Variants in ATF7IP2 observed in about 807,000 individuals in gnomAD.
ATF7IP2 encodes activating transcription factor 7-interacting protein 2.
A neutral mutation model predicts 64.2 loss-of-function variants in ATF7IP2; 42 were observed. The observed-to-expected ratio is 0.65, with a 90% CI of 0.51 to 0.85. ATF7IP2 has a LOEUF of 0.85. Among genes scored for constraint, ATF7IP2 ranks in the 40% least tolerant of loss-of-function variants. ATF7IP2 has a pLI of 0.00. For synonymous variants in ATF7IP2, 308 were observed against 272.8 expected (o/e 1.13, Z -1.27); for missense variants, 933 against 784.2 (o/e 1.19, Z -2.27).
In ATF7IP2 at chr16:10,451,553, C is replaced by A. The variant is rs1309860467; in HGVS notation, c.1195-5819C>A. On this transcript the variant is annotated intron_variant, in intron 8 of 13. Transcript: ENST00000562102. The stretch of plus-strand genomic sequence containing the variant: ...TTTTTTCTCTAATCTTGTCTTCTCA[C>A]TTTATTTCATTAAGTTGATCTTCAA... Among the ~76,000 whole-genome samples the A allele has an allele frequency of 3.9e-5, 6 of 152,112 alleles. No individual in the cohort carries two copies. In the Middle Eastern group the frequency reaches 0.01, roughly 259 times the overall value.
intron 8 of ATF7IP2, among the ~76,000 whole-genome samples, chr16:10,456,837 G>T (rs1408151571): frequency 6.6e-6 from 1 of 152,086 alleles, no homozygotes; most frequent in Non-Finnish European, 1.5e-5. Flanking sequence ...AGCTTCCATG[G>T]CACCTAGTGC....
chr16:10,391,309 T>G (rs1009973410), intron 1 of ATF7IP2, among the ~76,000 whole-genome samples: 54 of 151,958 alleles, frequency 3.6e-4, no homozygotes, highest in Admixed American at 3.0e-3. Flanking sequence ...GGCTCCCAGC[T>G]ACTCAGGAGG....
intron 9 of ATF7IP2, among the ~76,000 whole-genome samples, chr16:10,462,328 A>C (rs1043249165): frequency 1.3e-5 from 2 of 151,512 alleles, no homozygotes; most frequent in Admixed American, 6.6e-5. Context: ...TCATCTTTCC[A>C]TCTGGGCTCA....
chr16:10,475,593 T>G (rs573892863), intron 12 of ATF7IP2, among the ~76,000 whole-genome samples: 1 of 150,624 alleles, frequency 6.6e-6, no homozygotes, highest in Admixed American at 6.6e-5. Context: ...CTCGGGAGGC[T>G]GAGGCAGGAG....
At chr16:10,438,010 T>C (rs2048479352) in intron 6 of ATF7IP2, 91 bp from the exon 7 acceptor site, 2 of 978,516 alleles carry the variant, frequency 2.0e-6, no homozygotes, top group Non-Finnish European at 2.8e-6. Context: ...TTACAGTAAA[T>C]CTGGAAAAGA....
chr16:10,475,895 A>G (rs1393816694), intron 12 of ATF7IP2, among the ~76,000 whole-genome samples: 1 of 152,198 alleles, frequency 6.6e-6, no homozygotes, highest in African/African-American at 2.4e-5. Context: ...CTATGATTAC[A>G]AGAGATGTAC....
At chr16:10,402,325 T>C (rs1406337649) in intron 1 of ATF7IP2, among the ~76,000 whole-genome samples, 1 of 152,202 alleles carries the variant, frequency 6.6e-6, no homozygotes, top group Non-Finnish European at 1.5e-5. Context: ...ATATTCATTT[T>C]TACAATGACT....
Position 10,431,462 on chromosome 16 carries a change from A to G in ATF7IP2, c.835+7A>G, listed in dbSNP as rs953838873. 1.3e-6 allele frequency: 2 copies of G among 1,541,802 alleles called. No individual in the cohort carries two copies. The highest frequency in any genetic ancestry group is 2.3e-5 in the East Asian group (1 of 44,284). ...CTTGACACTAATAACAACAGTAAGT[A>G]TATACTTATGCACCTTTTAGAAAAA... On this transcript the variant is annotated splice_region_variant and intron_variant, in intron 5 of 13. Coordinates refer to ENST00000562102, the MANE Select transcript of ATF7IP2 (RefSeq NM_001393719.1).
intron 9 of ATF7IP2, among the ~76,000 whole-genome samples, chr16:10,460,994 G>A (rs2049355996): frequency 2.0e-5 from 3 of 152,092 alleles, no homozygotes; most frequent in African/African-American, 7.2e-5. Flanking sequence ...ACAAGTCAAT[G>A]AGTAAAAGCC....
At chr16:10,440,334 A>T in intron 7 of ATF7IP2, 30 bp from the exon 8 acceptor site, 1 of 1,166,774 alleles carries the variant, frequency 8.6e-7, no homozygotes, top group Non-Finnish European at 1.2e-6. Flanking sequence ...ACTCTGGCTT[A>T]GTATTTATTT....
At position 10,459,124 on chromosome 16, in the gene ATF7IP2, G is replaced by A. The variant is rs190453751; in HGVS notation, c.1352+1595G>A. ...CGAGGCGGGCAGATCACCTGAGGTC[G>A]GGAGTTCGAGACTAGCCTGACCAAC... On this transcript the variant is annotated intron_variant, in intron 9 of 13. Transcript: ENST00000562102. 4.8e-3 allele frequency among the ~76,000 whole-genome samples: 727 copies of A among 151,388 alleles called. 8 individuals are homozygous for A. The highest frequency in any genetic ancestry group is 0.017 in the African/African-American group (687 of 41,226).
rs757001280 is a variant in ATF7IP2 at position 10,482,052 on chromosome 16, G to A, written c.1852G>A (p.Glu618Lys). 6.2e-7 allele frequency: 1 copy of A among 1,613,984 alleles called. No individual in the cohort carries two copies. The highest frequency in any genetic ancestry group is 8.5e-7 in the Non-Finnish European group (1 of 1,179,870). ...AAGCTACCACCTCTTCCTGTGTCAT[G>A]AGAACTCTAATAATAAGTTGATTTG... ...VESYHLFLCH[E>K]NSNNKLIWKK... Residue 618 changes from glutamate to lysine, a missense_variant, in exon 14 of 14, where the codon GAG (glutamate) becomes AAG (lysine). By Grantham distance (56) the Glu-to-Lys change is moderately conservative. Coordinates refer to ENST00000562102, the MANE Select transcript of ATF7IP2 (RefSeq NM_001393719.1).
rs546353692 is a variant in ATF7IP2 at position 10,470,668 on chromosome 16, C to T, written c.1353-1442C>T. The stretch of plus-strand genomic sequence containing the variant: ...GGCCTGGTGACACATGCTGTCATCC[C>T]AGCTACTTAGGAGGCCGAGATGAGA... On this transcript the variant is annotated intron_variant, in intron 9 of 13. Coordinates refer to ENST00000562102, the MANE Select transcript of ATF7IP2 (RefSeq NM_001393719.1). Among the ~76,000 whole-genome samples, 4 of 151,896 alleles carry T rather than the reference C, an allele frequency of 2.6e-5. No homozygotes were observed. The South Asian group carries it at 8.3e-4, about 32-fold the overall frequency.
At chr16:10,396,498 T>C (rs543388255) in intron 1 of ATF7IP2, among the ~76,000 whole-genome samples, 1 of 152,162 alleles carries the variant, frequency 6.6e-6, no homozygotes, top group African/African-American at 2.4e-5. Flanking sequence ...TCCAGTAGTT[T>C]TACAGTTTTG....
At chr16:10,402,225 A>C (rs912394370) in intron 1 of ATF7IP2, among the ~76,000 whole-genome samples, 6 of 151,956 alleles carry the variant, frequency 3.9e-5, no homozygotes, top group African/African-American at 9.7e-5. Context: ...AATGCCATAA[A>C]CTTCTCTCTA....
rs2050310401 is a variant in ATF7IP2 at position 10,483,466 on chromosome 16, A to G, written c.*1217A>G. 6.6e-6 allele frequency: 1 copy of G among 152,176 alleles called. No homozygotes were observed. Among genetic ancestry groups the G allele is most frequent in the African/African-American group, 2.4e-5 (1 of 41,434 alleles). The allele number at this position is 152,176 out of a possible 1,614,324, so 9.4% of individuals were successfully genotyped here. ...CAATGGAGGCAAACTTGAGCAAATA[A>G]TTGGGATGATAAGAAACAAAAATAA... On this transcript the variant is annotated 3_prime_UTR_variant, in exon 14 of 14. Coordinates refer to ENST00000562102, the MANE Select transcript of ATF7IP2 (RefSeq NM_001393719.1).
intron 8 of ATF7IP2, chr16:10,454,341 C>A (rs867183950): frequency 7.7e-6 from 1 of 129,832 alleles, no homozygotes; most frequent in East Asian, 2.5e-4. Flanking sequence ...ACCTGGGAGG[C>A]GGAGGTTGCA....
intron 3 of ATF7IP2, among the ~76,000 whole-genome samples, chr16:10,424,719 C>T (rs1440915337): frequency 6.6e-6 from 1 of 152,138 alleles, no homozygotes; most frequent in Admixed American, 6.5e-5. Context: ...CACAAGCCTC[C>T]AAGAAGTACA....
At chr16:10,399,448 C>T (rs2047484001) in intron 1 of ATF7IP2, among the ~76,000 whole-genome samples, 1 of 152,150 alleles carries the variant, frequency 6.6e-6, no homozygotes, top group Admixed American at 6.6e-5. Flanking sequence ...AAGTATGTGT[C>T]CTTTCTGCAG....
Sources: allele counts gnomAD v4.1 joint callset (sites outside exome capture counted in the v4.1 genomes callset), GRCh38; gene constraint gnomAD v4.1.1; transcripts MANE v1.5; gene names NCBI Gene and HGNC (gene_info 2026-07-23, HGNC 2026-07-21).